HERC2: variants seen among roughly 807,000 people sequenced by gnomAD.
The protein encoded by HERC2 is HECT and RLD domain containing E3 ubiquitin protein ligase 2.
In HERC2, 102 loss-of-function variants were observed where a neutral mutation model predicts 537.7. That is an observed-to-expected ratio of 0.19 (90% confidence interval 0.16 to 0.22). The LOEUF (loss-of-function observed/expected upper bound fraction) is 0.22. Among genes scored for constraint, HERC2 ranks in the 10% least tolerant of loss-of-function variants. The pLI is 1.00. For missense variants in HERC2, 4,236 were observed against 6,198.2 expected (o/e 0.68, Z 10.63); for synonymous variants, 2,224 against 2,466.2 (o/e 0.90, Z 2.91).
rs2076204688 is a variant in HERC2 at position 28,287,920 on chromosome 15, T to TAG, written c.322+4967_322+4968insCT. Among the ~76,000 whole-genome samples, 3 of 152,086 alleles carry TAG rather than the reference T, an allele frequency of 2.0e-5. No homozygotes were observed. The South Asian group carries it at 6.2e-4, about 32-fold the overall frequency. On this transcript the variant is annotated intron_variant, in intron 4 of 92. Transcript: ENST00000261609. ...TTTGTATCTTTAGTAGAGACGCTGT[T>TAG]TCACCGTGTTAGCCAGCATGGTCTC... is the stretch of plus-strand genomic sequence containing the variant.
chr15:28,156,255 T>G (rs1893000996), intron 69 of HERC2, among the ~76,000 whole-genome samples: 1 of 152,222 alleles, frequency 6.6e-6, no homozygotes, highest in African/African-American at 2.4e-5. Flanking sequence ...GGCTCTTTTT[T>G]GGTTCCAAAT....
intron 68 of HERC2, among the ~76,000 whole-genome samples, chr15:28,166,751 GGAGTCCCAGTGACC>G (rs1441863676): frequency 7.2e-5 from 11 of 152,232 alleles, no homozygotes; most frequent in South Asian, 2.1e-4. Flanking sequence ...CCAGTCCACG[GGAGTCCCAGTGACC>G]GAGTCCCAGT....
chr15:28,209,153 T>C (rs1412128300), intron 44 of HERC2, among the ~76,000 whole-genome samples: 1 of 152,152 alleles, frequency 6.6e-6, no homozygotes, highest in East Asian at 1.9e-4. Context: ...CAATGTGCTT[T>C]TCTGTTTACT....
At chr15:28,288,041 A>G (rs1473446924) in intron 4 of HERC2, among the ~76,000 whole-genome samples, 1 of 152,068 alleles carries the variant, frequency 6.6e-6, no homozygotes, top group African/African-American at 2.4e-5. Context: ...TACTTTATAC[A>G]TGAGAGGCCC....
rs1897351418 is a variant in HERC2 at position 28,196,494 on chromosome 15, A to G, written c.8087T>C (p.Met2696Thr). The G allele has an allele frequency of 2.5e-6, 4 of 1,613,454 alleles. No individual in the cohort carries two copies. In the South Asian group the frequency reaches 4.4e-5, roughly 18 times the overall value. ...AGGATGAATACTGGGTACCAACTCC[A>G]TTTCTGATAGCAACCCAGTCCAGTG... ...QSHWTGLLSEMELVPSIHPGV... is the reference protein window; with the variant it reads ...QSHWTGLLSETELVPSIHPGV... Residue 2696 changes from methionine (M) to threonine (T), a missense_variant, in exon 51 of 93, where the codon ATG (methionine) becomes ACG (threonine). By Grantham distance (81) the Met-to-Thr change is moderately conservative. Coordinates refer to ENST00000261609, the MANE Select transcript of HERC2 (RefSeq NM_004667.6).
rs762735614 is a variant in HERC2 at position 28,192,082 on chromosome 15, A to G, written c.8330T>C (p.Met2777Thr). ...LKRCHSSQPG[M>T]LLDSWSRMVK... is the part of the protein sequence containing the mutation. ...CATGCGGGACCAGCTGTCCAGCAGC[A>G]TGCCTGGCTGGCTGCTGTGGCAACG... Residue 2777 changes from methionine to threonine, a missense_variant, in exon 53 of 93, where the codon ATG becomes ACG. Met to Thr is a moderately conservative substitution (Grantham distance 81). This residue lies in a region of HERC2 where 606 missense variants were observed against 884.5 expected (regional missense o/e 0.69). Transcript: ENST00000261609. The G allele has an allele frequency of 6.2e-7, 1 of 1,613,920 alleles. No individual in the cohort carries two copies. Among genetic ancestry groups the G allele is most frequent in the Non-Finnish European group, 8.5e-7 (1 of 1,179,880 alleles).
At chr15:28,284,932 A>G (rs2076116979) in intron 4 of HERC2, among the ~76,000 whole-genome samples, 1 of 144,116 alleles carries the variant, frequency 6.9e-6, no homozygotes, top group African/African-American at 2.8e-5. Context: ...AAAAAAAAAA[A>G]AAAAAAAAAA....
At chr15:28,152,927 G>A (rs1315466624) in intron 69 of HERC2, 97 bp from the exon 70 acceptor site, 2 of 1,228,434 alleles carry the variant, frequency 1.6e-6, no homozygotes, top group Non-Finnish European at 2.3e-6. Context: ...AGCTCCACAA[G>A]GACAGCGTGG....
chr15:28,159,516 G>A (rs1015163996), intron 69 of HERC2, among the ~76,000 whole-genome samples: 37 of 152,184 alleles, frequency 2.4e-4, no homozygotes, highest in African/African-American at 5.6e-4. Context: ...TCCTCCAGGT[G>A]ATCGAATTGG....
intron 31 of HERC2, among the ~76,000 whole-genome samples, 186 bp from the exon 32 acceptor site, chr15:28,230,033 T>C (rs1170135757): frequency 6.6e-6 from 1 of 152,224 alleles, no homozygotes; most frequent in East Asian, 1.9e-4. Context: ...TATACTAATA[T>C]ATGTTGGAAC....
chr15:28,228,140 A>AAAAAG (rs561240043), intron 35 of HERC2, 78 bp downstream of exon 35: 17 of 1,304,122 alleles, frequency 1.3e-5, no homozygotes, highest in African/African-American at 3.4e-5. Context: ...AAAAAAAAAA[A>AAAAAG]AAAAGAAAAG....
At chr15:28,205,189 C>A (rs1898297022) in intron 45 of HERC2, among the ~76,000 whole-genome samples, 3 of 151,736 alleles carry the variant, frequency 2.0e-5, no homozygotes, top group Admixed American at 2.0e-4. Flanking sequence ...GACAAAACAG[C>A]GGAAGGTCTC....
intron 69 of HERC2, among the ~76,000 whole-genome samples, chr15:28,161,874 G>A (rs1200453069): frequency 6.6e-6 from 1 of 152,194 alleles, no homozygotes; most frequent in Non-Finnish European, 1.5e-5. Context: ...GATAAAACTG[G>A]TTTTTAAATC....
intron 70 of HERC2, among the ~76,000 whole-genome samples, chr15:28,147,434 G>A (rs555524930): frequency 3.4e-4 from 52 of 151,964 alleles, no homozygotes; most frequent in African/African-American, 1.2e-3. Flanking sequence ...TTAAAGACAG[G>A]CCTGGACAAC....
intron 39 of HERC2, 150 bp from the exon 40 acceptor site, chr15:28,214,952 A>G (rs1323678673): frequency 3.1e-6 from 2 of 636,796 alleles, no homozygotes; most frequent in Non-Finnish European, 5.3e-6. Flanking sequence ...GGCTCACTAC[A>G]AACTCCCACC....
chr15:28,228,072 G>A, intron 35 of HERC2, 146 bp downstream of exon 35: 1 of 717,322 alleles, frequency 1.4e-6, no homozygotes, highest in Non-Finnish European at 2.3e-6. Context: ...CCGCTGAATT[G>A]TGACGTTAAA....
chr15:28,209,940 CTTTTTTT>C (rs1164101918), intron 44 of HERC2, among the ~76,000 whole-genome samples: 5 of 77,344 alleles, frequency 6.5e-5, no homozygotes, highest in East Asian at 1.0e-3. Flanking sequence ...AATACATTAT[CTTTTTTT>C]TTTTTTTTTT....
intron 69 of HERC2, among the ~76,000 whole-genome samples, chr15:28,162,709 A>G (rs1566958800): frequency 6.6e-6 from 1 of 151,974 alleles, no homozygotes; most frequent in Non-Finnish European, 1.5e-5. Flanking sequence ...CTAACATGGT[A>G]AAACCCCGAC....
At chr15:28,142,980 C>T (rs1221489981) in intron 74 of HERC2, 28 bp from the exon 75 acceptor site, 12 of 1,605,120 alleles carry the variant, frequency 7.5e-6, no homozygotes, top group South Asian at 4.5e-5. Flanking sequence ...AGTATTCTAT[C>T]GCAGGAATCC....
Sources: allele counts gnomAD v4.1 joint callset (sites outside exome capture counted in the v4.1 genomes callset), GRCh38; gene constraint gnomAD v4.1.1; regional missense constraint gnomAD v4.1.1; transcripts MANE v1.5; gene names NCBI Gene and HGNC (gene_info 2026-07-23, HGNC 2026-07-21).